Variants in RNLS observed in about 807,000 individuals in gnomAD.
The protein encoded by RNLS is renalase, FAD dependent amine oxidase.
RNLS carries 39 observed loss-of-function variants against 39.8 expected under a neutral mutation model. The ratio of observed to expected loss-of-function variants is 0.98; its 90% CI spans 0.76 to 1.28. The LOEUF is 1.28. Among genes scored for constraint, RNLS ranks in the 50% most tolerant of loss-of-function variants. The probability of loss-of-function intolerance (pLI) is 0.00; values close to 1 mark genes in which losing one functional copy is unlikely to be tolerated. For missense variants in RNLS, 410 were observed against 413.3 expected (o/e 0.99, Z 0.07); for synonymous variants, 147 against 150.7 (o/e 0.98, Z 0.18).
At chr10:88,345,449 A>C (rs993577717) in intron 5 of RNLS, among the ~76,000 whole-genome samples, 2 of 152,186 alleles carry the variant, frequency 1.3e-5, no homozygotes, top group Non-Finnish European at 2.9e-5. Context: ...TCAGGTAATA[A>C]GATATTGTTT....
At chr10:88,224,052 A>G in the RNLS span, among the ~76,000 whole-genome samples, 2 of 145,586 alleles carry the variant, frequency 1.4e-5, no homozygotes, top group Non-Finnish European at 3.0e-5. Flanking sequence ...AAAAAAAAAA[A>G]GGTAAGGAGA....
At chr10:88,253,599 A>G in the RNLS span, among the ~76,000 whole-genome samples, 1 of 152,292 alleles carries the variant, frequency 6.6e-6, no homozygotes, top group African/African-American at 2.4e-5. Context: ...AATGTTCCCA[A>G]TGCCTTTTTA....
At chr10:88,174,181 A>T in the RNLS span, among the ~76,000 whole-genome samples, 1 of 152,126 alleles carries the variant, frequency 6.6e-6, no homozygotes, top group African/African-American at 2.4e-5. Flanking sequence ...ATGTAAGATT[A>T]TGTCATCTGC....
chr10:88,192,428 A>T, the RNLS span, among the ~76,000 whole-genome samples: 1 of 152,246 alleles, frequency 6.6e-6, no homozygotes, highest in Non-Finnish European at 1.5e-5. Flanking sequence ...AAATAAAAGA[A>T]GTTTATTTGG....
At chr10:88,247,010 T>G in the RNLS span, among the ~76,000 whole-genome samples, 5 of 152,214 alleles carry the variant, frequency 3.3e-5, no homozygotes, top group Non-Finnish European at 5.9e-5. Context: ...TTGTATTGTT[T>G]TGTTATGAAT....
chr10:88,269,040 G>C (rs1842577594), downstream of RNLS, among the ~76,000 whole-genome samples: 1 of 152,294 alleles, frequency 6.6e-6, no homozygotes, highest in East Asian at 1.9e-4. Context: ...ATGTTAGGGG[G>C]ACAATCAACA....
chr10:88,536,505 A>C (rs1330703399), intron 4 of RNLS, among the ~76,000 whole-genome samples: 2 of 152,142 alleles, frequency 1.3e-5, no homozygotes, highest in African/African-American at 2.4e-5. Flanking sequence ...AAATCCTTTA[A>C]TGGCTTCTCA....
intron 4 of RNLS, among the ~76,000 whole-genome samples, chr10:88,489,286 A>G (rs977968768): frequency 6.6e-6 from 1 of 152,202 alleles, no homozygotes; most frequent in Non-Finnish European, 1.5e-5. Flanking sequence ...GTAAATAGTA[A>G]GTGTCCTCTC....
chr10:88,187,186 TAA>T, the RNLS span, among the ~76,000 whole-genome samples: 3 of 10,730 alleles, frequency 2.8e-4, no homozygotes, highest in Admixed American at 9.1e-4. Context: ...ATAATATATA[TAA>T]TATATATAAT....
At chr10:88,206,515 A>T in the RNLS span, among the ~76,000 whole-genome samples, 1 of 152,320 alleles carries the variant, frequency 6.6e-6, no homozygotes, top group African/African-American at 2.4e-5. Context: ...GTTCTGAGAT[A>T]GCGCTGAAGA....
At chr10:88,507,966 G>A (rs1302346807) in intron 4 of RNLS, among the ~76,000 whole-genome samples, 2 of 152,148 alleles carry the variant, frequency 1.3e-5, no homozygotes, top group African/African-American at 2.4e-5. Context: ...AATAGTGAGA[G>A]GAGTTAATTA....
the RNLS span, among the ~76,000 whole-genome samples, chr10:88,228,858 T>C: frequency 1.3e-5 from 2 of 152,214 alleles, no homozygotes; most frequent in Admixed American, 1.3e-4. Context: ...CATCCTTTTA[T>C]ACAGACCTTC....
At chr10:88,354,120 A>G (rs933472137) in intron 5 of RNLS, among the ~76,000 whole-genome samples, 2 of 152,090 alleles carry the variant, frequency 1.3e-5, no homozygotes, top group African/African-American at 4.8e-5. Flanking sequence ...TCTGCAAGTG[A>G]GATGGGTTTC....
chr10:88,341,437 CTG>C (rs1847954881), intron 5 of RNLS, among the ~76,000 whole-genome samples: 1 of 151,426 alleles, frequency 6.6e-6, no homozygotes, highest in Non-Finnish European at 1.5e-5. Context: ...TAAATAGACA[CTG>C]AATGTATAAA....
chr10:88,379,269 A>C (rs1447029952), intron 4 of RNLS, among the ~76,000 whole-genome samples: 1 of 152,214 alleles, frequency 6.6e-6, no homozygotes, highest in Non-Finnish European at 1.5e-5. Flanking sequence ...GGTTTACTTA[A>C]ATGTGAAAAT....
intron 4 of RNLS, among the ~76,000 whole-genome samples, chr10:88,524,036 G>A (rs138450146): frequency 6.6e-6 from 1 of 152,092 alleles, no homozygotes; most frequent in East Asian, 1.9e-4. Flanking sequence ...TTTCTGTTTG[G>A]CTTTGGCCCT....
chr10:88,220,329 G>T, the RNLS span, among the ~76,000 whole-genome samples: 146 of 152,288 alleles, frequency 9.6e-4, 1 homozygote, highest in African/African-American at 3.4e-3. Flanking sequence ...GGTGGGCAGG[G>T]TCAAGACTTC....
the RNLS span, among the ~76,000 whole-genome samples, chr10:88,234,777 G>T: frequency 2.6e-5 from 4 of 152,116 alleles, no homozygotes; most frequent in Non-Finnish European, 5.9e-5. Flanking sequence ...TTGTCAGAGG[G>T]GTAAAAGTCA....
the RNLS span, among the ~76,000 whole-genome samples, chr10:88,217,795 T>A: frequency 7.0e-6 from 1 of 142,792 alleles, no homozygotes; most frequent in East Asian, 2.1e-4. Flanking sequence ...ATCCCAGAAC[T>A]TTGGGAGGCC....
Sources: allele counts gnomAD v4.1 joint callset (sites outside exome capture counted in the v4.1 genomes callset), GRCh38; gene constraint gnomAD v4.1.1; transcripts MANE v1.5; gene names NCBI Gene and HGNC (gene_info 2026-07-23, HGNC 2026-07-21).